SMC4: variants seen among roughly 807,000 people sequenced by gnomAD.
SMC4 encodes the protein structural maintenance of chromosomes 4.
In SMC4, 87 loss-of-function variants were observed where a neutral mutation model predicts 145.6. The ratio of observed to expected loss-of-function variants is 0.60; its 90% confidence interval spans 0.50 to 0.71. SMC4 has a LOEUF of 0.71. SMC4 is among the 30% of genes least tolerant of loss of function. The pLI, the probability that SMC4 is intolerant of heterozygous loss-of-function variation, is 0.00. For synonymous variants in SMC4, 558 were observed against 500.7 expected, an observed-to-expected ratio of 1.11 and a Z score of -1.53; for missense variants, 1,447 against 1,537.1, an observed-to-expected ratio of 0.94 and a Z score of 0.98.
chr3:160,406,037 C>G (rs1241929809), intron 5 of SMC4, among the ~76,000 whole-genome samples: 2 of 151,982 alleles, frequency 1.3e-5, no homozygotes, highest in African/African-American at 2.4e-5. Flanking sequence ...TACAGCATCT[C>G]TGTACGTAAT....
intron 15 of SMC4, 37 bp from the exon 16 acceptor site, chr3:160,424,830 A>T (rs11718121): frequency 8.7e-6 from 14 of 1,608,020 alleles, no homozygotes. Context: ...CTTTTCTGTC[A>T]ATCTGAAATG....
intron 5 of SMC4, among the ~76,000 whole-genome samples, chr3:160,408,698 T>C (rs1034848474): frequency 2.0e-4 from 31 of 152,220 alleles, no homozygotes; most frequent in African/African-American, 7.5e-4. Flanking sequence ...ACATGAGTTA[T>C]GTAAGTTTTC....
At chr3:160,412,903 T>A in intron 7 of SMC4, 2 of 699,476 alleles carry the variant, frequency 2.9e-6, no homozygotes, top group Non-Finnish European at 3.5e-6. Flanking sequence ...GTGCACTTTT[T>A]AAAATTCGTG....
Position 160,406,909 on chromosome 3 carries a change from T to C in SMC4, c.687+2405T>C, listed in dbSNP as rs541811586. Among the ~76,000 whole-genome samples, 18 of 152,338 alleles carry C rather than the reference T, an allele frequency of 1.2e-4. No homozygotes were observed. In the South Asian group the frequency reaches 3.5e-3, roughly 30 times the overall value. On this transcript the variant is annotated intron_variant, in intron 5 of 23. Transcript: ENST00000357388. ...TTGTCCTTAAAGACACATACATGCC[T>C]TCAAAAAGTTTGTTGTGATTGACCA...
At chr3:160,404,050 A>T in intron 4 of SMC4, 1 of 326,672 alleles carries the variant, frequency 3.1e-6, no homozygotes, top group Non-Finnish European at 5.6e-6. Flanking sequence ...TCAATCATAA[A>T]CGTTTTTAGG....
intron 17 of SMC4, among the ~76,000 whole-genome samples, chr3:160,426,526 T>A (rs1294986960): frequency 6.6e-6 from 1 of 152,182 alleles, no homozygotes; most frequent in East Asian, 1.9e-4. Context: ...TTAGAAAAAT[T>A]ATATCACTCA....
At chr3:160,400,311 G>C (rs1451076534) in intron 1 of SMC4, 1 of 152,428 alleles carries the variant, frequency 6.6e-6, no homozygotes, top group African/African-American at 2.4e-5. Context: ...GCTAAAGGGC[G>C]GGCAGACGAA....
At chr3:160,413,717 C>A in intron 8 of SMC4, 104 bp downstream of exon 8, 1 of 696,938 alleles carries the variant, frequency 1.4e-6, no homozygotes, top group South Asian at 2.6e-5. Context: ...AGACATTTGC[C>A]AGCATATCAA....
chr3:160,430,866 A>G (rs1361072878), intron 19 of SMC4, 123 bp downstream of exon 19: 8 of 1,267,844 alleles, frequency 6.3e-6, no homozygotes, highest in South Asian at 1.6e-5. Flanking sequence ...ATAACTATCA[A>G]TTTTTATTTG....
At chr3:160,430,255 T>C (rs1168179777) in intron 18 of SMC4, among the ~76,000 whole-genome samples, 1 of 152,144 alleles carries the variant, frequency 6.6e-6, no homozygotes, top group Non-Finnish European at 1.5e-5. Context: ...TGGGAAGTAT[T>C]TGAAGGTACA....
Position 160,400,934 on chromosome 3 carries a change from C to G in SMC4, c.108C>G (p.Ser36=). 6.8e-7 allele frequency: 1 copy of G among 1,465,134 alleles called. No individual in the cohort carries two copies. The highest frequency in any genetic ancestry group is 2.4e-4 in the Middle Eastern group (1 of 4,162). 90.8% of individuals were successfully genotyped at this position (1,465,134 alleles called of 1,614,324 possible). A position where few individuals can be genotyped will look rare whatever the true frequency, so the allele number is the denominator to read the frequency against. ...GCGACGCGGAGCCTGAGCCGCCGTCCGGCCGCACGGAGAGCCCAGCCACCG... is the reference window on the plus strand; with the variant it reads ...GCGACGCGGAGCCTGAGCCGCCGTCGGGCCGCACGGAGAGCCCAGCCACCG... The part of the protein sequence containing the change: ...ASSDAEPEPP[S]GRTESPATAA... Residue 36 remains serine (S), a synonymous_variant, in exon 2 of 24, where the codon TCC becomes TCG. Coordinates refer to ENST00000357388, the MANE Select transcript of SMC4 (RefSeq NM_001002800.3).
chr3:160,426,024 TTAAAG>T, intron 16 of SMC4, 45 bp from the exon 17 acceptor site: 1 of 1,442,520 alleles, frequency 6.9e-7, no homozygotes, highest in Non-Finnish European at 9.5e-7. Flanking sequence ...TTCACAATGT[TTAAAG>T]CAAATGTTAA....
chr3:160,400,544 C>T, intron 1 of SMC4: 1 of 390,036 alleles, frequency 2.6e-6, no homozygotes, highest in East Asian at 4.6e-5. Flanking sequence ...GGGTGGAGAG[C>T]CTTAAAAACA....
At chr3:160,422,211 A>G (rs1717259652) in intron 13 of SMC4, among the ~76,000 whole-genome samples, 2 of 152,222 alleles carry the variant, frequency 1.3e-5, no homozygotes, top group Admixed American at 1.3e-4. Flanking sequence ...TCTTGGGTAT[A>G]TATATACCTA....
intron 17 of SMC4, among the ~76,000 whole-genome samples, chr3:160,427,952 A>AAC (rs757783653): frequency 6.7e-6 from 1 of 149,762 alleles, no homozygotes; most frequent in Non-Finnish European, 1.5e-5. Context: ...CACACACACA[A>AAC]ACACACACAC....
chr3:160,420,179 A>G (rs770432850), intron 12 of SMC4, among the ~76,000 whole-genome samples: 11 of 152,288 alleles, frequency 7.2e-5, no homozygotes, highest in African/African-American at 2.4e-4. Context: ...TGAAACCTCA[A>G]ATTGGCTGAA....
rs1015604852 is a variant in SMC4, at chr3:160,434,751, G to A, written c.*942G>A. On this transcript the variant is annotated 3_prime_UTR_variant, in exon 24 of 24. Coordinates refer to ENST00000357388, the MANE Select transcript of SMC4 (RefSeq NM_001002800.3). ...CCACTTGGTTTTTGGAAGGACTTTCGGTATTGTATTAGAAGTCTGCCCTAG... is the reference window on the plus strand; with the variant it reads ...CCACTTGGTTTTTGGAAGGACTTTCAGTATTGTATTAGAAGTCTGCCCTAG... The A allele has an allele frequency of 4.6e-5, 7 of 152,208 alleles. No individual in the cohort carries two copies. Among genetic ancestry groups the A allele is most frequent in the Admixed American group, 1.3e-4 (2 of 15,286 alleles). The allele number at this position is 152,208 out of a possible 1,614,324, so 9.4% of individuals were successfully genotyped here.
rs1438309395 is a variant in SMC4 at position 160,401,970 on chromosome 3, T to A, written c.195T>A (p.Ile65=). The change falls in exon 3 of 24, where the codon ATT becomes ATA. Residue 65 remains isoleucine (I), a synonymous_variant. Transcript: ENST00000357388. ...NRSLEEILNS[I]PPPPPPAMTN... ...GTTTAGAAGAGATTTTGAACAGCAT[T>A]CCTCCTCCCCCGCCTCCAGCAATGA... 1 of 1,607,522 alleles carries A rather than the reference T, an allele frequency of 6.2e-7. No individual in the cohort carries two copies. The highest frequency in any genetic ancestry group is 8.5e-7 in the Non-Finnish European group (1 of 1,177,200).
intron 11 of SMC4, among the ~76,000 whole-genome samples, chr3:160,419,153 CAAGT>C (rs1251359484): frequency 6.6e-6 from 1 of 152,118 alleles, no homozygotes; most frequent in Admixed American, 6.5e-5. Context: ...TTTATTGACC[CAAGT>C]AATTTATGCC....
Sources: gnomAD v4.1 joint callset for allele counts (sites outside exome capture counted in the v4.1 genomes callset) on GRCh38, gnomAD v4.1.1 for gene constraint, MANE v1.5 for transcripts, NCBI Gene and HGNC (gene_info 2026-07-23, HGNC 2026-07-21) for gene names.